CFAP97D2: variants seen among roughly 807,000 people sequenced by gnomAD.
CFAP97D2 encodes the protein uncharacterized protein CFAP97D2.
chr13:114,200,533 G>C (rs748759820), intron 3 of CFAP97D2, 90 bp downstream of exon 3: 3 of 396,498 alleles, frequency 7.6e-6, no homozygotes, highest in Non-Finnish European at 1.3e-5. Flanking sequence ...AGCTGCCCGT[G>C]GGTGGGAGTC....
intron 4 of CFAP97D2, among the ~76,000 whole-genome samples, chr13:114,219,217 A>C (rs928533301): frequency 2.6e-5 from 4 of 152,230 alleles, no homozygotes; most frequent in African/African-American, 9.6e-5. Context: ...ATTTTATTTT[A>C]TATTGTCTCA....
chr13:114,199,370 C>T (rs74503002), intron 2 of CFAP97D2, among the ~76,000 whole-genome samples: 3 of 55,320 alleles, frequency 5.4e-5, no homozygotes, highest in Admixed American at 1.8e-4. Flanking sequence ...CGGTCCCCGC[C>T]GAGGCGTGAC....
intron 1 of CFAP97D2, among the ~76,000 whole-genome samples, chr13:114,188,649 C>T (rs528338502): frequency 1.3e-5 from 2 of 151,426 alleles, no homozygotes; most frequent in African/African-American, 4.9e-5. Flanking sequence ...TGGTGGTGGG[C>T]GCCTGTAGTC....
At chr13:114,202,162 C>T (rs929523662) in intron 3 of CFAP97D2, among the ~76,000 whole-genome samples, 4 of 152,222 alleles carry the variant, frequency 2.6e-5, no homozygotes, top group Non-Finnish European at 4.4e-5. Context: ...AGTGTTCCAT[C>T]GTACGGATCT....
At chr13:114,190,388 T>C (rs1004513952) in intron 1 of CFAP97D2, among the ~76,000 whole-genome samples, 1 of 136,740 alleles carries the variant, frequency 7.3e-6, no homozygotes, top group African/African-American at 2.8e-5. Flanking sequence ...CATGATCATC[T>C]ATGTAGAAAA....
chr13:114,198,075 C>A (rs2080895426), intron 2 of CFAP97D2, among the ~76,000 whole-genome samples: 1 of 152,152 alleles, frequency 6.6e-6, no homozygotes, highest in African/African-American at 2.4e-5. Context: ...GCAACCTCCG[C>A]CTCCCGGGTT....
rs185764349 is a variant in CFAP97D2, at chr13:114,203,743, C to T, written c.290+3300C>T. On this transcript the variant is annotated intron_variant, in intron 3 of 4. Transcript: ENST00000646158. This position sits in a 1 kb window ranked among gnomAD's most constrained non-coding sequence, Gnocchi z 4.3. The stretch of plus-strand genomic sequence containing the variant: ...GCTCCTCCCCTGCCCGTGGCTTCAC[C>T]CGTTTCCCCAGTGCGCATGTGGGCA... 2.7e-3 allele frequency among the ~76,000 whole-genome samples: 407 copies of T among 152,352 alleles called. 4 individuals carry two copies. Among genetic ancestry groups the T allele is most frequent in the African/African-American group, 9.4e-3 (390 of 41,586 alleles).
At chr13:114,190,156 T>A (rs2080864252) in intron 1 of CFAP97D2, among the ~76,000 whole-genome samples, 2 of 151,668 alleles carry the variant, frequency 1.3e-5, no homozygotes, top group African/African-American at 4.9e-5. Flanking sequence ...AAAAAAGGAA[T>A]ATCTGAAAAA....
chr13:114,221,838 C>T (rs1281043207), intron 4 of CFAP97D2, among the ~76,000 whole-genome samples: 2 of 152,088 alleles, frequency 1.3e-5, no homozygotes, highest in African/African-American at 4.8e-5. Context: ...TACCAAATCA[C>T]CCAGCAACTC....
At chr13:114,215,302 T>A (rs188604214) in intron 4 of CFAP97D2, among the ~76,000 whole-genome samples, 3 of 152,370 alleles carry the variant, frequency 2.0e-5, no homozygotes. Flanking sequence ...TCGTTATTAA[T>A]CTATAGTAAG....
Position 114,189,673 on chromosome 13 carries a change from A to G in CFAP97D2, c.91-6723A>G, listed in dbSNP as rs2080862682. Among the ~76,000 whole-genome samples, 1 of 152,248 alleles carries G rather than the reference A, an allele frequency of 6.6e-6. No homozygotes were observed. The highest frequency in any genetic ancestry group is 2.1e-4 in the South Asian group (1 of 4,832). On this transcript the variant is annotated intron_variant, in intron 1 of 4. Coordinates refer to ENST00000646158, the Ensembl canonical transcript of CFAP97D2. The surrounding 1 kb of genome is among the most constrained non-coding windows in gnomAD (Gnocchi z 4.5). ...GTATGCAAGGCTGGCTCATCATTCAAAAATCAATGTAATTAATCACATCAA... is the reference window on the plus strand; with the variant it reads ...GTATGCAAGGCTGGCTCATCATTCAGAAATCAATGTAATTAATCACATCAA...
chr13:114,189,629 C>G lies in CFAP97D2; in HGVS notation c.91-6767C>G, dbSNP rs554118481. ...TATAAAAAGTATTATATGCCATGAC[C>G]AAGTGGGATTCATTCCAGGTATGCA... is the stretch of plus-strand genomic sequence containing the variant. On this transcript the variant is annotated intron_variant, in intron 1 of 4. Transcript: ENST00000646158. The surrounding 1 kb of genome is among the most constrained non-coding windows in gnomAD (Gnocchi z 4.5). 6.6e-6 allele frequency among the ~76,000 whole-genome samples: 1 copy of G among 152,070 alleles called. No individual in the cohort carries two copies. The highest frequency in any genetic ancestry group is 1.5e-5 in the Non-Finnish European group (1 of 68,010).
At chr13:114,184,292 G>T (rs1013514638) in intron 1 of CFAP97D2, among the ~76,000 whole-genome samples, 2 of 152,206 alleles carry the variant, frequency 1.3e-5, no homozygotes, top group African/African-American at 4.8e-5. Flanking sequence ...ACCAGGAGAA[G>T]AAAGGGAGAA....
At chr13:114,219,164 C>T (rs957441333) in intron 4 of CFAP97D2, among the ~76,000 whole-genome samples, 8 of 152,220 alleles carry the variant, frequency 5.3e-5, no homozygotes, top group African/African-American at 1.9e-4. Context: ...CTACAAAGAA[C>T]TCAAACAAAT....
Position 114,185,061 on chromosome 13 carries a change from A to T in CFAP97D2, c.90+5641A>T, listed in dbSNP as rs2080849851. ...TGGTGGAAGCAGCTGCAGGAGTGGC[A>T]GTAACAGCGGTGGGACCTCTGTGTC... On this transcript the variant is annotated intron_variant, in intron 1 of 4. Coordinates refer to ENST00000646158, the Ensembl canonical transcript of CFAP97D2. This position sits in a 1 kb window ranked among gnomAD's most constrained non-coding sequence, Gnocchi z 5.2. Among the ~76,000 whole-genome samples the T allele has an allele frequency of 6.6e-6, 1 of 152,180 alleles. No individual in the cohort carries two copies. Among genetic ancestry groups the T allele is most frequent in the African/African-American group, 2.4e-5 (1 of 41,434 alleles).
In CFAP97D2 at chr13:114,185,433, C is replaced by T. The variant is rs944445623; in HGVS notation, c.90+6013C>T. 6.6e-6 allele frequency among the ~76,000 whole-genome samples: 1 copy of T among 152,164 alleles called. No individual in the cohort carries two copies. Among genetic ancestry groups the T allele is most frequent in the Admixed American group, 6.5e-5 (1 of 15,278 alleles). On this transcript the variant is annotated intron_variant, in intron 1 of 4. Transcript: ENST00000646158. This position sits in a 1 kb window ranked among gnomAD's most constrained non-coding sequence, Gnocchi z 5.2. ...GAGGCATGGCCAGGGCTGCACACTC[C>T]ACGGAGCCTGTGGGAGCCAGGAATG... is the stretch of plus-strand genomic sequence containing the variant.
intron 1 of CFAP97D2, among the ~76,000 whole-genome samples, chr13:114,183,335 T>C (rs529910148): frequency 3.9e-5 from 6 of 152,016 alleles, no homozygotes; most frequent in Non-Finnish European, 8.8e-5. Flanking sequence ...CCTGGCTAAT[T>C]TTTTGTATTT....
chr13:114,197,041 AAATTCTTATCATGC>A (rs1203250369), intron 2 of CFAP97D2, among the ~76,000 whole-genome samples: 1 of 152,178 alleles, frequency 6.6e-6, no homozygotes, highest in African/African-American at 2.4e-5. Context: ...GTGGAGACCG[AAATTCTTATCATGC>A]AGATGAAGCC....
At chr13:114,206,305 G>A (rs953419913) in intron 3 of CFAP97D2, among the ~76,000 whole-genome samples, 1 of 152,072 alleles carries the variant, frequency 6.6e-6, no homozygotes, top group Non-Finnish European at 1.5e-5. Context: ...GTTTCGCCAT[G>A]TTGGCCAGGC....
Sources: allele counts gnomAD v4.1 joint callset (sites outside exome capture counted in the v4.1 genomes callset), GRCh38; gene constraint gnomAD v4.1.1; non-coding constraint Gnocchi (gnomAD v3.1); transcripts MANE v1.5; gene names NCBI Gene and HGNC (gene_info 2026-07-23, HGNC 2026-07-21).